BCL2L1: variants seen among roughly 807,000 people sequenced by gnomAD.
The protein encoded by BCL2L1 is BCL2 like 1, also known as bcl-2-like protein 1.
A neutral mutation model predicts 18.7 loss-of-function variants in BCL2L1; 1 was observed. The ratio of observed to expected loss-of-function variants is 0.05; its 90% CI spans 0.02 to 0.25. The LOEUF (loss-of-function observed/expected upper bound fraction) is 0.25, where lower values mean the gene tolerates loss of function less well. Ranked by LOEUF, BCL2L1 falls within the 10% of genes least tolerant of loss-of-function variation. The pLI is 1.00. For missense variants in BCL2L1, 207 were observed against 304.9 expected (o/e 0.68, Z 2.39); for synonymous variants, 103 against 122.7 (o/e 0.84, Z 1.06).
intron 2 of BCL2L1, among the ~76,000 whole-genome samples, chr20:31,672,825 T>C (rs1434334463): frequency 1.3e-5 from 2 of 151,886 alleles, no homozygotes; most frequent in Non-Finnish European, 2.9e-5. Flanking sequence ...TCTGATCTTT[T>C]AGTTCCCATC....
chr20:31,681,230 C>T (rs745616784), intron 2 of BCL2L1, among the ~76,000 whole-genome samples: 14 of 152,192 alleles, frequency 9.2e-5, no homozygotes, highest in Non-Finnish European at 1.8e-4. Flanking sequence ...AAATAGCGTC[C>T]GTCTGGCTGC....
At chr20:31,691,535 T>C (rs2061075717) in intron 2 of BCL2L1, among the ~76,000 whole-genome samples, 1 of 149,392 alleles carries the variant, frequency 6.7e-6, no homozygotes, top group South Asian at 2.1e-4. Flanking sequence ...TAAAATAAAA[T>C]AAAATAAAAT....
intron 2 of BCL2L1, among the ~76,000 whole-genome samples, chr20:31,693,593 C>T (rs924313951): frequency 2.6e-5 from 4 of 152,018 alleles, no homozygotes; most frequent in African/African-American, 7.2e-5. Context: ...AGAACAGTGG[C>T]GCGATCATAG....
chr20:31,712,702 C>T (rs1240876737), intron 2 of BCL2L1, among the ~76,000 whole-genome samples: 1 of 152,102 alleles, frequency 6.6e-6, no homozygotes, highest in Non-Finnish European at 1.5e-5. Context: ...TCTAGGGAAG[C>T]GAGTCAGGCT....
At chr20:31,714,188 A>G (rs931073823) in intron 2 of BCL2L1, among the ~76,000 whole-genome samples, 6 of 152,224 alleles carry the variant, frequency 3.9e-5, no homozygotes, top group African/African-American at 1.4e-4. Flanking sequence ...GGAATCCGCC[A>G]CAAGGCCTAA....
At chr20:31,673,068 CTT>C (rs906594378) in intron 2 of BCL2L1, among the ~76,000 whole-genome samples, 7 of 118,222 alleles carry the variant, frequency 5.9e-5, no homozygotes, top group Non-Finnish European at 7.1e-5. Context: ...GGTGTCCTTG[CTT>C]TTTTTTTTTT....
chr20:31,702,457 C>A (rs941594146), intron 2 of BCL2L1, among the ~76,000 whole-genome samples: 2 of 152,020 alleles, frequency 1.3e-5, no homozygotes, highest in Admixed American at 1.3e-4. Flanking sequence ...ATGGTGAAAC[C>A]CCATCTCTAC....
rs139800275 is a variant in BCL2L1, at chr20:31,679,729, T to A, written c.565-13643A>T. On this transcript the variant is annotated intron_variant, in intron 2 of 2. Transcript: ENST00000307677. ...CCCAGGCTGGAGTGCAGTGGTGTGA[T>A]CTCTGCTCACTGCAACCTCTGCCTC... 1.5e-4 allele frequency among the ~76,000 whole-genome samples: 23 copies of A among 152,368 alleles called. No homozygotes were observed. The Middle Eastern group carries it at 0.014, about 90-fold the overall frequency.
At position 31,722,234 on chromosome 20, in the gene BCL2L1, G is replaced by T; in HGVS notation, c.-16C>A. ...TCTGAGACATTTTTATAATAGGGAT[G>T]GGCTCAACCAGTCCATTGTCCAAAA... On this transcript the variant is annotated 5_prime_UTR_variant, in exon 2 of 3. Coordinates refer to ENST00000307677, the MANE Select transcript of BCL2L1 (RefSeq NM_138578.3). 3 of 1,479,188 alleles carry T rather than the reference G, an allele frequency of 2.0e-6. No individual in the cohort carries two copies. The highest frequency in any genetic ancestry group is 2.7e-6 in the Non-Finnish European group (3 of 1,118,028). 91.6% of individuals were successfully genotyped at this position (1,479,188 alleles called of 1,614,324 possible).
intron 2 of BCL2L1, among the ~76,000 whole-genome samples, chr20:31,686,904 T>G (rs1432466763): frequency 1.3e-5 from 2 of 152,224 alleles, no homozygotes; most frequent in Admixed American, 6.5e-5. Flanking sequence ...TGGACTTGTA[T>G]TCTGTCTTTA....
At chr20:31,690,729 C>A (rs1415693174) in intron 2 of BCL2L1, among the ~76,000 whole-genome samples, 1 of 152,098 alleles carries the variant, frequency 6.6e-6, no homozygotes, top group East Asian at 1.9e-4. Flanking sequence ...CGCCATGATG[C>A]CTGGCTGTTT....
intron 2 of BCL2L1, among the ~76,000 whole-genome samples, chr20:31,692,898 G>A (rs2061100721): frequency 6.6e-6 from 1 of 151,610 alleles, no homozygotes; most frequent in South Asian, 2.1e-4. Context: ...GCGACAGAGT[G>A]AGACTCGGTC....
At chr20:31,673,398 A>C (rs1162568199) in intron 2 of BCL2L1, among the ~76,000 whole-genome samples, 1 of 151,318 alleles carries the variant, frequency 6.6e-6, no homozygotes, top group Admixed American at 6.6e-5. Flanking sequence ...GTAATAAAAT[A>C]CTTTAGGAGC....
chr20:31,716,590 T>C (rs909975153), intron 2 of BCL2L1: 1 of 152,210 alleles, frequency 6.6e-6, no homozygotes, highest in Non-Finnish European at 1.5e-5. Context: ...GTCTGTTTCT[T>C]CAGAAATTTA....
chr20:31,686,584 TTC>T (rs2060959115), intron 2 of BCL2L1, among the ~76,000 whole-genome samples: 1 of 152,322 alleles, frequency 6.6e-6, no homozygotes, highest in South Asian at 2.1e-4. Context: ...ACAGCCCCAC[TTC>T]TCTGTTTTGT....
At chr20:31,678,423 G>A (rs2060798252) in intron 2 of BCL2L1, among the ~76,000 whole-genome samples, 1 of 152,130 alleles carries the variant, frequency 6.6e-6, no homozygotes, top group South Asian at 2.1e-4. Context: ...CAAATGAAGT[G>A]GGAATCATCT....
intron 2 of BCL2L1, among the ~76,000 whole-genome samples, chr20:31,707,867 A>C (rs6060834): frequency 1.3e-5 from 2 of 152,302 alleles, no homozygotes; most frequent in African/African-American, 4.8e-5. Context: ...GGGAAAGATT[A>C]AGTATTTGCC....
intron 2 of BCL2L1, among the ~76,000 whole-genome samples, chr20:31,718,428 G>C (rs6089040): frequency 6.6e-6 from 1 of 152,190 alleles, no homozygotes; most frequent in Non-Finnish European, 1.5e-5. Flanking sequence ...GGCTGAGGCA[G>C]GCGGATCACC....
At chr20:31,694,812 C>T (rs1044437308) in intron 2 of BCL2L1, among the ~76,000 whole-genome samples, 6 of 152,038 alleles carry the variant, frequency 3.9e-5, no homozygotes, top group African/African-American at 1.5e-4. Flanking sequence ...GGCCTGGTGG[C>T]GTACCTATAA....
Sources: allele counts gnomAD v4.1 joint callset (sites outside exome capture counted in the v4.1 genomes callset), GRCh38; gene constraint gnomAD v4.1.1; transcripts MANE v1.5; gene names NCBI Gene and HGNC (gene_info 2026-07-23, HGNC 2026-07-21).